Variants in KCNN2 observed in about 807,000 individuals in gnomAD.
KCNN2 encodes the protein potassium calcium-activated channel subfamily N member 2.
Under a neutral mutation model 55.5 loss-of-function variants are expected in KCNN2, and 24 were observed. The observed-to-expected ratio is 0.43, with a 90% CI of 0.31 to 0.61. The LOEUF is 0.61. Ranked by LOEUF, KCNN2 falls within the 20% of genes least tolerant of loss-of-function variation. The pLI is 0.08. For missense variants in KCNN2, 754 were observed against 853.6 expected (o/e 0.88, Z 1.45); for synonymous variants, 431 against 336.1 (o/e 1.28, Z -3.09).
chr5:114,083,397 C>T (rs1011657463), intron 1 of KCNN2, among the ~76,000 whole-genome samples: 1 of 151,688 alleles, frequency 6.6e-6, no homozygotes, highest in Non-Finnish European at 1.5e-5. Context: ...CTGTAAATTT[C>T]CCCTCTAAAT....
intron 2 of KCNN2, among the ~76,000 whole-genome samples, chr5:114,365,934 A>G (rs72799683): frequency 0.029 from 4,364 of 152,244 alleles, 89 homozygotes; most frequent in Non-Finnish European, 0.046. Flanking sequence ...GGGGGAGGAC[A>G]TTTGCTGGTA....
At chr5:114,171,364 C>A (rs1753028949) in intron 1 of KCNN2, among the ~76,000 whole-genome samples, 1 of 151,984 alleles carries the variant, frequency 6.6e-6, no homozygotes, top group Non-Finnish European at 1.5e-5. Flanking sequence ...ATAGTTGATA[C>A]TTCAGTTGTT....
At chr5:114,435,689 T>C (rs988376831) in intron 3 of KCNN2, among the ~76,000 whole-genome samples, 1 of 152,172 alleles carries the variant, frequency 6.6e-6, no homozygotes, top group Non-Finnish European at 1.5e-5. Context: ...TAATTTTATA[T>C]ATTAAGTTAT....
chr5:114,138,081 A>G (rs563206625), intron 1 of KCNN2, among the ~76,000 whole-genome samples: 3 of 152,272 alleles, frequency 2.0e-5, no homozygotes, highest in South Asian at 2.1e-4. Context: ...TTCACCAAAC[A>G]TGGAGAAAAT....
intron 2 of KCNN2, among the ~76,000 whole-genome samples, chr5:114,246,573 G>T (rs956949997): frequency 1.3e-5 from 2 of 151,646 alleles, no homozygotes; most frequent in African/African-American, 4.9e-5. Context: ...TTATATAAAA[G>T]TAAAAAAACT....
At chr5:114,105,280 C>T (rs1751462361) in intron 1 of KCNN2, among the ~76,000 whole-genome samples, 2 of 151,962 alleles carry the variant, frequency 1.3e-5, no homozygotes, top group Admixed American at 1.3e-4. Context: ...ATAACTGAAC[C>T]ATAAACAGTG....
intron 2 of KCNN2, among the ~76,000 whole-genome samples, chr5:114,251,462 G>T (rs1290209724): frequency 6.6e-6 from 1 of 152,182 alleles, no homozygotes; most frequent in East Asian, 1.9e-4. Context: ...TTGCAAAGTT[G>T]TTTTAAGGAT....
At chr5:114,308,073 A>G (rs1403551549) in intron 2 of KCNN2, among the ~76,000 whole-genome samples, 1 of 152,172 alleles carries the variant, frequency 6.6e-6, no homozygotes, top group Non-Finnish European at 1.5e-5. Flanking sequence ...ACTCCCGAGA[A>G]GAAACTATGT....
chr5:114,290,961 C>T (rs917746491), intron 2 of KCNN2, among the ~76,000 whole-genome samples: 2 of 151,978 alleles, frequency 1.3e-5, no homozygotes, highest in Admixed American at 6.6e-5. Flanking sequence ...TGGTTGCAAT[C>T]CTTTTAACCT....
At chr5:114,303,071 T>G (rs1756199992) in intron 2 of KCNN2, among the ~76,000 whole-genome samples, 1 of 152,244 alleles carries the variant, frequency 6.6e-6, no homozygotes, top group South Asian at 2.1e-4. Context: ...GACAATTCAA[T>G]TTGGCATTCT....
At chr5:114,262,702 A>T (rs759904059) in intron 2 of KCNN2, among the ~76,000 whole-genome samples, 2 of 152,198 alleles carry the variant, frequency 1.3e-5, no homozygotes, top group African/African-American at 2.4e-5. Flanking sequence ...AAATTTTACT[A>T]TTGCCAATGT....
Position 114,279,642 on chromosome 5 carries a change from T to C in KCNN2, c.-185+58077T>C, listed in dbSNP as rs550580783. Among the ~76,000 whole-genome samples the C allele has an allele frequency of 1.7e-3, 259 of 152,350 alleles. 1 individual carries two copies. Among genetic ancestry groups the C allele is most frequent in the Admixed American group, 3.6e-3 (55 of 15,298 alleles). On this transcript the variant is annotated intron_variant, in intron 2 of 10. Transcript: ENST00000512097. ...AAAGGACATGAACTCATCCTTTTTA[T>C]GGCTGCATAGTATTGCATCGTATAT...
At chr5:114,428,643 T>A (rs1759697649) in intron 3 of KCNN2, among the ~76,000 whole-genome samples, 1 of 152,162 alleles carries the variant, frequency 6.6e-6, no homozygotes, top group African/African-American at 2.4e-5. Context: ...GGTTTTTAAT[T>A]TCTCAAGAAA....
intron 1 of KCNN2, among the ~76,000 whole-genome samples, chr5:114,140,906 A>C (rs989279281): frequency 1.3e-5 from 2 of 151,656 alleles, no homozygotes; most frequent in East Asian, 3.9e-4. Context: ...CTCCTGCCTC[A>C]GCCTCCTGAG....
chr5:114,202,552 AAT>A (rs1226907606), intron 1 of KCNN2, among the ~76,000 whole-genome samples: 4 of 136,674 alleles, frequency 2.9e-5, no homozygotes, highest in African/African-American at 1.1e-4. Context: ...ATACATGCCT[AAT>A]ATATATGTGT....
intron 2 of KCNN2, among the ~76,000 whole-genome samples, chr5:114,297,722 T>G (rs1000446249): frequency 6.6e-6 from 1 of 152,142 alleles, no homozygotes; most frequent in Admixed American, 6.5e-5. Context: ...ATAATAGAGG[T>G]CTGGTTATAT....
chr5:114,272,356 A>AT, intron 2 of KCNN2, among the ~76,000 whole-genome samples: 3 of 15,648 alleles, frequency 1.9e-4, no homozygotes, highest in East Asian at 6.4e-3. Flanking sequence ...GTATGTACAT[A>AT]CCATATACAC....
chr5:114,308,478 T>C (rs1756333637), intron 2 of KCNN2, among the ~76,000 whole-genome samples: 1 of 152,194 alleles, frequency 6.6e-6, no homozygotes, highest in African/African-American at 2.4e-5. Context: ...TGATCCTGTA[T>C]TTGTCAAAAG....
chr5:114,091,765 C>G (rs978359006), intron 1 of KCNN2, among the ~76,000 whole-genome samples: 4 of 152,114 alleles, frequency 2.6e-5, no homozygotes, highest in Non-Finnish European at 4.4e-5. Context: ...GGATAAACAA[C>G]CAAATGCTTA....
Sources: allele counts gnomAD v4.1 joint callset (sites outside exome capture counted in the v4.1 genomes callset), GRCh38; gene constraint gnomAD v4.1.1; transcripts MANE v1.5; gene names NCBI Gene and HGNC (gene_info 2026-07-23, HGNC 2026-07-21).